Variants in ARFGEF3 observed in about 807,000 individuals in gnomAD.
ARFGEF3 encodes brefeldin A-inhibited guanine nucleotide-exchange protein 3.
Under a neutral mutation model 221.7 loss-of-function variants are expected in ARFGEF3, and 96 were observed. The ratio of observed to expected loss-of-function variants is 0.43; its 90% CI spans 0.37 to 0.51. The LOEUF is 0.51. Ranked by LOEUF, ARFGEF3 falls within the 20% of genes least tolerant of loss-of-function variation. The pLI is 0.00. For missense variants in ARFGEF3, 2,410 were observed against 2,789.9 expected, an observed-to-expected ratio of 0.86 and a Z score of 3.07; for synonymous variants, 1,145 against 1,126.8, an observed-to-expected ratio of 1.02 and a Z score of -0.32.
At chr6:138,252,128 C>T (rs557235548) in intron 8 of ARFGEF3, among the ~76,000 whole-genome samples, 6 of 152,212 alleles carry the variant, frequency 3.9e-5, no homozygotes, top group South Asian at 4.2e-4. Flanking sequence ...CCTCAAAGGG[C>T]GTGGTAGACA....
At position 138,336,286 on chromosome 6, in the gene ARFGEF3, T is replaced by G; in HGVS notation, c.6343-9T>G. 6.7e-7 allele frequency: 1 copy of G among 1,502,094 alleles called. No homozygotes were observed. Among genetic ancestry groups the G allele is most frequent in the Non-Finnish European group, 8.9e-7 (1 of 1,118,696 alleles). The allele number at this position is 1,502,094 out of a possible 1,614,324, so 93.0% of individuals were successfully genotyped here. On this transcript the variant is annotated splice_polypyrimidine_tract_variant and intron_variant, in intron 33 of 33. Coordinates refer to ENST00000251691, the MANE Select transcript of ARFGEF3 (RefSeq NM_020340.5). ...AAAGCCACTGATTTTCTTAAATCTT[T>G]TCTCTTAGGCATGGACCAACATGGT...
At chr6:138,280,211 G>A (rs758166526) in intron 14 of ARFGEF3, 47 bp downstream of exon 14, 45 of 1,583,134 alleles carry the variant, frequency 2.8e-5, no homozygotes, top group Non-Finnish European at 3.5e-5. Flanking sequence ...AGGGTGGGAC[G>A]GCTCACGCTT....
chr6:138,217,841 C>T (rs989899107), intron 4 of ARFGEF3: 1 of 1,151,144 alleles, frequency 8.7e-7, no homozygotes, highest in African/African-American at 1.6e-5. Flanking sequence ...ATTGAAATAA[C>T]CTCCTACATC....
Position 138,308,440 on chromosome 6 carries a change from AAT to A in ARFGEF3, c.3974-297_3974-296del, listed in dbSNP as rs375372233. On this transcript the variant is annotated intron_variant, in intron 23 of 33. Coordinates refer to ENST00000251691, the MANE Select transcript of ARFGEF3 (RefSeq NM_020340.5). ...TGCTGTGCCCTGTAGATAATCTACA[AAT>A]ACCTGTGCAGGAGCATTCCAGAGGC... Among the ~76,000 whole-genome samples, 847 of 152,330 alleles carry A rather than the reference AAT, an allele frequency of 5.6e-3. 6 individuals carry two copies. Among genetic ancestry groups the A allele is most frequent in the Middle Eastern group, 0.017 (5 of 294 alleles).
At chr6:138,189,896 T>C (rs563287197) in intron 2 of ARFGEF3, among the ~76,000 whole-genome samples, 1 of 151,928 alleles carries the variant, frequency 6.6e-6, no homozygotes, top group East Asian at 1.9e-4. Context: ...CTGGGCAACA[T>C]TGCAAAAATC....
chr6:138,341,211 T>G lies in ARFGEF3; in HGVS notation c.*4725T>G, dbSNP rs1162559616. The G allele has an allele frequency of 1.3e-5, 2 of 154,064 alleles. No individual in the cohort carries two copies. Among genetic ancestry groups the G allele is most frequent in the Non-Finnish European group, 2.9e-5 (2 of 68,230 alleles). 9.5% of individuals were successfully genotyped at this position (154,064 alleles called of 1,614,324 possible). ...CCTGTAGCCAACAGTGCCTCTTTAC[T>G]TGCTTCTCTGGGAAATACATGGTAC... is the stretch of plus-strand genomic sequence containing the variant. On this transcript the variant is annotated 3_prime_UTR_variant, in exon 34 of 34. Transcript: ENST00000251691.
In ARFGEF3 at chr6:138,335,053, C is replaced by A; in HGVS notation, c.6207C>A (p.His2069Gln). 1 of 1,598,560 alleles carries A rather than the reference C, an allele frequency of 6.3e-7. No homozygotes were observed. The highest frequency in any genetic ancestry group is 8.5e-7 in the Non-Finnish European group (1 of 1,173,302). ...QDSPLLQRPQ[H>Q]LMDQGQMRHS... is the part of the protein sequence containing the mutation. Reference sequence around the variant, plus strand: ...CCCCGCTGCTTCAGCGTCCCCAGCACTTGATGGACCAAGGGCAAATGCGGC... The same window carrying A: ...CCCCGCTGCTTCAGCGTCCCCAGCAATTGATGGACCAAGGGCAAATGCGGC... The change falls in exon 33 of 34, where the codon CAC (histidine) becomes CAA (glutamine). Residue 2069 changes from histidine to glutamine, a missense_variant. Physicochemically the swap from His to Gln is conservative, Grantham distance 24. This residue lies in a region of ARFGEF3 where 339 missense variants were observed against 334.9 expected (regional missense o/e 1.01). Transcript: ENST00000251691.
chr6:138,174,457 T>A (rs1043768222), intron 2 of ARFGEF3, among the ~76,000 whole-genome samples: 7 of 118,224 alleles, frequency 5.9e-5, no homozygotes, highest in African/African-American at 2.4e-4. Flanking sequence ...ATCCTTCTAT[T>A]TGAGCATCTG....
At chr6:138,220,457 A>G (rs947468095) in intron 4 of ARFGEF3, among the ~76,000 whole-genome samples, 2 of 152,134 alleles carry the variant, frequency 1.3e-5, no homozygotes, top group African/African-American at 4.8e-5. Flanking sequence ...ATTTATTGCC[A>G]ATACAGAATA....
chr6:138,297,887 G>C (rs1440337743), intron 21 of ARFGEF3, among the ~76,000 whole-genome samples: 1 of 152,178 alleles, frequency 6.6e-6, no homozygotes, highest in Non-Finnish European at 1.5e-5. Context: ...TCTGGGGCCA[G>C]ATGGTTCATG....
At chr6:138,248,841 A>T (rs569429500) in intron 8 of ARFGEF3, among the ~76,000 whole-genome samples, 123 of 152,136 alleles carry the variant, frequency 8.1e-4, no homozygotes, top group African/African-American at 2.5e-3. Context: ...AATAAATAAA[A>T]TAAATAAGTC....
At chr6:138,303,842 C>T (rs1203906447) in intron 22 of ARFGEF3, among the ~76,000 whole-genome samples, 1 of 109,004 alleles carries the variant, frequency 9.2e-6, no homozygotes, top group Non-Finnish European at 1.7e-5. Flanking sequence ...AGCCTGGAGA[C>T]AGAGTGAGAC....
At position 138,191,994 on chromosome 6, in the gene ARFGEF3, T is replaced by C. The variant is rs1486308021; in HGVS notation, c.138-15048T>C. Among the ~76,000 whole-genome samples, 3 of 152,172 alleles carry C rather than the reference T, an allele frequency of 2.0e-5. No individual in the cohort carries two copies. In the East Asian group the frequency reaches 5.8e-4, roughly 29 times the overall value. On this transcript the variant is annotated intron_variant, in intron 2 of 33. Transcript: ENST00000251691. ...CATAATCACAAGCATTTGTTGAGCG[T>C]GTACAATGTGCTAGATACTGTCGGT...
intron 2 of ARFGEF3, among the ~76,000 whole-genome samples, chr6:138,190,238 A>G (rs1777274556): frequency 6.6e-6 from 1 of 152,056 alleles, no homozygotes; most frequent in South Asian, 2.1e-4. Context: ...CAGTTATTTA[A>G]TGCTATTACT....
chr6:138,206,239 A>C (rs929465979), intron 2 of ARFGEF3, among the ~76,000 whole-genome samples: 4 of 151,988 alleles, frequency 2.6e-5, no homozygotes, highest in African/African-American at 9.7e-5. Context: ...TTTAGAGTAG[A>C]TGCTTCTAAC....
chr6:138,174,225 CAAG>C (rs1197445231), intron 2 of ARFGEF3, among the ~76,000 whole-genome samples: 1 of 151,878 alleles, frequency 6.6e-6, no homozygotes, highest in African/African-American at 2.4e-5. Flanking sequence ...TTCTAAGATA[CAAG>C]AAGAAGCCAT....
At chr6:138,206,031 G>A (rs980995080) in intron 2 of ARFGEF3, among the ~76,000 whole-genome samples, 2 of 152,196 alleles carry the variant, frequency 1.3e-5, no homozygotes, top group Non-Finnish European at 2.9e-5. Context: ...ATAGTCTAAT[G>A]TGGTAGCTTT....
intron 32 of ARFGEF3, among the ~76,000 whole-genome samples, chr6:138,331,917 G>A (rs142380926): frequency 2.0e-5 from 3 of 151,926 alleles, no homozygotes; most frequent in Admixed American, 6.6e-5. Flanking sequence ...TTGTCACTGC[G>A]CCCTTTAACC....
intron 2 of ARFGEF3, among the ~76,000 whole-genome samples, chr6:138,185,443 AC>A (rs1777163888): frequency 6.6e-6 from 1 of 152,064 alleles, no homozygotes; most frequent in South Asian, 2.1e-4. Flanking sequence ...AATGATCATG[AC>A]CCGTAGGGAT....
Sources: gnomAD v4.1 joint callset for allele counts (sites outside exome capture counted in the v4.1 genomes callset) on GRCh38, gnomAD v4.1.1 for gene constraint, gnomAD v4.1.1 regional missense constraint, MANE v1.5 for transcripts, NCBI Gene and HGNC (gene_info 2026-07-23, HGNC 2026-07-21) for gene names.